Variants in CLINT1 observed in about 807,000 individuals in gnomAD.
CLINT1 encodes the protein clathrin interacting protein localized in the trans-Golgi region.
CLINT1 carries 15 observed loss-of-function variants against 70.4 expected under a neutral mutation model. The ratio of observed to expected loss-of-function variants is 0.21; its 90% CI spans 0.14 to 0.33. The LOEUF (loss-of-function observed/expected upper bound fraction) is 0.33, where lower values mean the gene tolerates loss of function less well. CLINT1 is among the 10% of genes least tolerant of loss of function. CLINT1 has a pLI of 1.00. For missense variants in CLINT1, 615 were observed against 778.1 expected, an observed-to-expected ratio of 0.79 and a Z score of 2.49; for synonymous variants, 227 against 254.7, an observed-to-expected ratio of 0.89 and a Z score of 1.04.
At chr5:157,813,471 G>A (rs541237616) in intron 4 of CLINT1, among the ~76,000 whole-genome samples, 4 of 152,064 alleles carry the variant, frequency 2.6e-5, no homozygotes, top group Non-Finnish European at 5.9e-5. Context: ...CACAGATAAT[G>A]GTACTATGCA....
intron 9 of CLINT1, among the ~76,000 whole-genome samples, chr5:157,794,446 C>T (rs997172278): frequency 6.6e-6 from 1 of 152,086 alleles, no homozygotes; most frequent in Non-Finnish European, 1.5e-5. Context: ...AAATGAAGTT[C>T]AGTTATTTTT....
At position 157,859,111 on chromosome 5, in the gene CLINT1, A is replaced by G. The variant is rs941676336; in HGVS notation, c.-141T>C. 3 of 819,914 alleles carry G rather than the reference A, an allele frequency of 3.7e-6. No homozygotes were observed. The highest frequency in any genetic ancestry group is 3.9e-5 in the South Asian group (2 of 51,680). 50.8% of individuals were successfully genotyped at this position (819,914 alleles called of 1,614,324 possible). A position where few individuals can be genotyped will look rare whatever the true frequency, so the allele number is the denominator to read the frequency against. Reference sequence around the variant, plus strand: ...CCCCCAGTCAGCTCCTTCCTTTGCCACAGCAGCGGCGCCGCCGGTGACACG... The same window carrying G: ...CCCCCAGTCAGCTCCTTCCTTTGCCGCAGCAGCGGCGCCGCCGGTGACACG... On this transcript the variant is annotated 5_prime_UTR_variant, in exon 1 of 12. Transcript: ENST00000411809.
chr5:157,832,229 C>G (rs752043650), intron 1 of CLINT1, among the ~76,000 whole-genome samples: 1 of 152,094 alleles, frequency 6.6e-6, no homozygotes, highest in Non-Finnish European at 1.5e-5. Context: ...GTCATCTGCC[C>G]CCCTCAGCCT....
intron 1 of CLINT1, among the ~76,000 whole-genome samples, chr5:157,857,547 A>G (rs1016719404): frequency 2.6e-5 from 4 of 152,240 alleles, no homozygotes; most frequent in African/African-American, 9.6e-5. Context: ...GCTAGTTTCA[A>G]AAGTACACTA....
chr5:157,793,770 C>A (rs1440512444), intron 9 of CLINT1, among the ~76,000 whole-genome samples: 1 of 152,084 alleles, frequency 6.6e-6, no homozygotes, highest in East Asian at 1.9e-4. Context: ...TTGGAATTTA[C>A]AAAAATAAGT....
At chr5:157,828,050 T>C (rs536531475) in intron 1 of CLINT1, among the ~76,000 whole-genome samples, 6 of 152,304 alleles carry the variant, frequency 3.9e-5, no homozygotes, top group Admixed American at 1.3e-4. Context: ...ATTATCATTA[T>C]GGAGATTAAA....
intron 9 of CLINT1, 65 bp from the exon 10 acceptor site, chr5:157,792,060 T>C (rs1326880514): frequency 1.4e-6 from 2 of 1,424,918 alleles, no homozygotes; most frequent in Non-Finnish European, 1.9e-6. Context: ...TGTAACAATC[T>C]ATGAACTGAA....
intron 10 of CLINT1, among the ~76,000 whole-genome samples, chr5:157,791,349 C>T (rs1053694090): frequency 2.0e-5 from 3 of 152,108 alleles, no homozygotes; most frequent in East Asian, 1.9e-4. Flanking sequence ...TGAGCCACTG[C>T]GCCTGGCCTA....
chr5:157,803,784 A>C, intron 7 of CLINT1, 65 bp from the exon 8 acceptor site: 1 of 1,169,326 alleles, frequency 8.6e-7, no homozygotes, highest in Non-Finnish European at 1.2e-6. Flanking sequence ...AGCTCTATCC[A>C]TCTCTAATTC....
At chr5:157,854,916 G>C (rs1017969394) in intron 1 of CLINT1, among the ~76,000 whole-genome samples, 2 of 152,014 alleles carry the variant, frequency 1.3e-5, no homozygotes, top group Non-Finnish European at 2.9e-5. Flanking sequence ...GGCCGAGGTG[G>C]GTGGATCACC....
intron 1 of CLINT1, among the ~76,000 whole-genome samples, chr5:157,837,963 C>A (rs1256547588): frequency 1.3e-5 from 2 of 151,986 alleles, no homozygotes; most frequent in Non-Finnish European, 2.9e-5. Flanking sequence ...CGTGCCCAGC[C>A]AAGATCTTTT....
intron 1 of CLINT1, among the ~76,000 whole-genome samples, chr5:157,855,343 T>C (rs1753724737): frequency 6.6e-6 from 1 of 152,148 alleles, no homozygotes; most frequent in Admixed American, 6.5e-5. Context: ...AATTTTACCA[T>C]GTATAGGATG....
At chr5:157,813,862 G>A (rs1762632583) in intron 4 of CLINT1, among the ~76,000 whole-genome samples, 1 of 152,200 alleles carries the variant, frequency 6.6e-6, no homozygotes, top group South Asian at 2.1e-4. Context: ...AGATGTGTGT[G>A]TTTTGGAGCT....
chr5:157,857,135 C>T (rs1373202455), intron 1 of CLINT1, among the ~76,000 whole-genome samples: 1 of 150,496 alleles, frequency 6.6e-6, no homozygotes, highest in Non-Finnish European at 1.5e-5. Context: ...TAGTCCTGGC[C>T]ACTTGGGAGG....
intron 1 of CLINT1, among the ~76,000 whole-genome samples, chr5:157,839,035 C>A (rs1390444428): frequency 6.6e-6 from 1 of 151,108 alleles, no homozygotes; most frequent in Non-Finnish European, 1.5e-5. Flanking sequence ...TTGAGATTTT[C>A]CTGGGCAACA....
At chr5:157,858,145 C>A (rs1364510468) in intron 1 of CLINT1, among the ~76,000 whole-genome samples, 1 of 152,132 alleles carries the variant, frequency 6.6e-6, no homozygotes, top group Non-Finnish European at 1.5e-5. Flanking sequence ...GTCGTTTTAC[C>A]TGCTTTTAAA....
intron 6 of CLINT1, among the ~76,000 whole-genome samples, chr5:157,807,873 A>T (rs1284721455): frequency 3.3e-5 from 5 of 152,158 alleles, no homozygotes; most frequent in Middle Eastern, 6.3e-3. Context: ...GTTATTGTTT[A>T]TAAGTAAAAC....
intron 11 of CLINT1, among the ~76,000 whole-genome samples, chr5:157,788,834 G>A (rs1337520311): frequency 6.6e-6 from 1 of 151,918 alleles, no homozygotes; most frequent in Non-Finnish European, 1.5e-5. Context: ...CAGGTGTGGC[G>A]GTGCACGCCT....
chr5:157,824,156 A>T (rs1762960261), intron 1 of CLINT1, among the ~76,000 whole-genome samples: 1 of 152,216 alleles, frequency 6.6e-6, no homozygotes, highest in South Asian at 2.1e-4. Flanking sequence ...GTTTCCATCC[A>T]TAACATTAGA....
Sources: allele counts gnomAD v4.1 joint callset (sites outside exome capture counted in the v4.1 genomes callset), GRCh38; gene constraint gnomAD v4.1.1; transcripts MANE v1.5; gene names NCBI Gene and HGNC (gene_info 2026-07-23, HGNC 2026-07-21).